CCSER1: variants seen among roughly 807,000 people sequenced by gnomAD.
CCSER1 encodes the protein serine-rich coiled-coil domain-containing protein 1.
A neutral mutation model predicts 82.0 loss-of-function variants in CCSER1; 41 were observed. The observed-to-expected ratio is 0.50, with a 90% CI of 0.39 to 0.65. CCSER1 has a LOEUF of 0.65. CCSER1 is among the 30% of genes least tolerant of loss of function. The pLI is 0.00. For missense variants in CCSER1, 1,119 were observed against 1,064.2 expected (o/e 1.05, Z -0.72); for synonymous variants, 414 against 383.9 (o/e 1.08, Z -0.92).
chr4:90,439,507 G>A (rs1237685634), intron 4 of CCSER1, among the ~76,000 whole-genome samples: 1 of 152,016 alleles, frequency 6.6e-6, no homozygotes, highest in Non-Finnish European at 1.5e-5. Context: ...CCTAATCTTT[G>A]TTGATTGGAG....
intron 10 of CCSER1, among the ~76,000 whole-genome samples, chr4:91,329,893 AT>A (rs1349124776): frequency 6.6e-6 from 1 of 151,542 alleles, no homozygotes; most frequent in Non-Finnish European, 1.5e-5. Flanking sequence ...TTGTTGTTAA[AT>A]TTTTTTCCCA....
chr4:90,269,531 G>A (rs960694772), intron 1 of CCSER1, among the ~76,000 whole-genome samples: 35 of 151,828 alleles, frequency 2.3e-4, no homozygotes, highest in African/African-American at 8.2e-4. Context: ...TACAGCAAAG[G>A]TAGTACAAAA....
chr4:90,294,858 G>A (rs1475139133), intron 1 of CCSER1, among the ~76,000 whole-genome samples: 1 of 151,018 alleles, frequency 6.6e-6, no homozygotes, highest in Non-Finnish European at 1.5e-5. Context: ...TTTTTTTCAG[G>A]AAGAAAAAAA....
chr4:91,593,563 C>T (rs578006852), intron 10 of CCSER1, among the ~76,000 whole-genome samples: 2 of 147,138 alleles, frequency 1.4e-5, no homozygotes, highest in Admixed American at 7.0e-5. Flanking sequence ...CCGCCCACCT[C>T]GGCCTCCCAA....
At chr4:91,202,240 G>A (rs529920140) in intron 10 of CCSER1, among the ~76,000 whole-genome samples, 15 of 151,184 alleles carry the variant, frequency 9.9e-5, no homozygotes, top group Admixed American at 2.0e-4. Context: ...ATCAAGCTTC[G>A]TATTTCTTAT....
intron 5 of CCSER1, among the ~76,000 whole-genome samples, chr4:90,481,730 A>G (rs890047475): frequency 2.0e-5 from 3 of 152,194 alleles, no homozygotes; most frequent in African/African-American, 7.2e-5. Context: ...CCACTTGATC[A>G]TGGTGGATAA....
intron 4 of CCSER1, among the ~76,000 whole-genome samples, chr4:90,436,310 TAACA>T (rs1261767818): frequency 2.6e-5 from 4 of 152,202 alleles, no homozygotes; most frequent in Non-Finnish European, 4.4e-5. Context: ...TAAGAAAATC[TAACA>T]AACAAAATTC....
chr4:91,577,881 C>A (rs920083696), intron 10 of CCSER1, among the ~76,000 whole-genome samples: 9 of 151,578 alleles, frequency 5.9e-5, no homozygotes, highest in Non-Finnish European at 1.5e-5. Context: ...TTGTCTAAGA[C>A]AAAACTATAT....
chr4:90,188,966 G>A (rs1735131077), intron 1 of CCSER1, among the ~76,000 whole-genome samples: 1 of 151,900 alleles, frequency 6.6e-6, no homozygotes, highest in South Asian at 2.1e-4. Flanking sequence ...ACAATAAAGA[G>A]GACTTGAGGG....
At chr4:90,722,573 A>C (rs1268222372) in intron 6 of CCSER1, among the ~76,000 whole-genome samples, 3 of 151,848 alleles carry the variant, frequency 2.0e-5, no homozygotes, top group Non-Finnish European at 4.4e-5. Context: ...TAACTAACTC[A>C]CTTCAATTAT....
At chr4:90,783,918 TATA>T (rs1489020371) in intron 7 of CCSER1, among the ~76,000 whole-genome samples, 1 of 151,918 alleles carries the variant, frequency 6.6e-6, no homozygotes, top group African/African-American at 2.4e-5. Flanking sequence ...AGGACTCCAG[TATA>T]ATAAGTGAAT....
At chr4:90,186,800 G>A (rs1024005398) in intron 1 of CCSER1, among the ~76,000 whole-genome samples, 2 of 151,068 alleles carry the variant, frequency 1.3e-5, no homozygotes, top group East Asian at 1.9e-4. Context: ...TCTGTGCTTT[G>A]TGTCCATAAA....
intron 10 of CCSER1, among the ~76,000 whole-genome samples, chr4:91,577,217 T>C (rs1763492240): frequency 6.6e-6 from 1 of 151,944 alleles, no homozygotes; most frequent in African/African-American, 2.4e-5. Context: ...TCAGACAGTT[T>C]ATGAGCATCT....
intron 8 of CCSER1, among the ~76,000 whole-genome samples, chr4:90,830,660 C>G (rs1178727035): frequency 1.3e-5 from 2 of 152,144 alleles, no homozygotes; most frequent in African/African-American, 4.8e-5. Flanking sequence ...AATCCCTACT[C>G]TATTTTGCAG....
At chr4:91,168,474 C>A (rs1050282782) in intron 10 of CCSER1, among the ~76,000 whole-genome samples, 1 of 146,926 alleles carries the variant, frequency 6.8e-6, no homozygotes, top group Non-Finnish European at 1.5e-5. Context: ...CTCTGCCCAG[C>A]AGCCGCCCCG....
At chr4:91,478,866 C>T (rs1031642190) in intron 10 of CCSER1, among the ~76,000 whole-genome samples, 1 of 150,694 alleles carries the variant, frequency 6.6e-6, no homozygotes, top group African/African-American at 2.4e-5. Context: ...ATTAAATCTT[C>T]TATATTTAGC....
chr4:91,110,406 C>T (rs1179733148), intron 10 of CCSER1, among the ~76,000 whole-genome samples: 5 of 151,948 alleles, frequency 3.3e-5, no homozygotes, highest in Non-Finnish European at 7.4e-5. Context: ...AAAATACTCA[C>T]TAGGAAAGTT....
chr4:90,424,125 T>A (rs552892061), intron 4 of CCSER1, among the ~76,000 whole-genome samples: 42 of 152,188 alleles, frequency 2.8e-4, no homozygotes, highest in African/African-American at 9.9e-4. Context: ...CAGTATTTTA[T>A]TTTTTACATC....
At chr4:91,586,641 A>G (rs1443715251) in intron 10 of CCSER1, among the ~76,000 whole-genome samples, 1 of 151,776 alleles carries the variant, frequency 6.6e-6, no homozygotes, top group African/African-American at 2.4e-5. Context: ...CAAAAGCCAA[A>G]TTGCAGTGGG....
Sources: allele counts gnomAD v4.1 joint callset (sites outside exome capture counted in the v4.1 genomes callset), GRCh38; gene constraint gnomAD v4.1.1; transcripts MANE v1.5; gene names NCBI Gene and HGNC (gene_info 2026-07-23, HGNC 2026-07-21).